ENPP1: variants seen among roughly 807,000 people sequenced by gnomAD.
The protein encoded by ENPP1 is ectonucleotide pyrophosphatase/phosphodiesterase family member 1.
ENPP1 carries 73 observed loss-of-function variants against 122.8 expected under a neutral mutation model. The observed-to-expected ratio is 0.59, with a 90% CI of 0.49 to 0.72. ENPP1 has a LOEUF of 0.72. Among genes scored for constraint, ENPP1 ranks in the 30% least tolerant of loss-of-function variants. The pLI, the probability that ENPP1 is intolerant of heterozygous loss-of-function variation, is 0.00. For synonymous variants in ENPP1, 367 were observed against 391.6 expected (o/e 0.94, Z 0.74); for missense variants, 978 against 1,128.1 (o/e 0.87, Z 1.91).
chr6:131,821,954 A>G (rs1781489658), intron 1 of ENPP1, among the ~76,000 whole-genome samples: 1 of 152,204 alleles, frequency 6.6e-6, no homozygotes, highest in Non-Finnish European at 1.5e-5. Context: ...AGCTTCCTAT[A>G]AACTGCCACC....
chr6:131,889,754 C>T (rs559036536), intron 24 of ENPP1, among the ~76,000 whole-genome samples: 5 of 152,170 alleles, frequency 3.3e-5, no homozygotes, highest in Non-Finnish European at 4.4e-5. Context: ...TGAACATATG[C>T]GTGCGTGTAT....
At chr6:131,837,172 TTGTGTGTGTG>T (rs67550562) in intron 1 of ENPP1, among the ~76,000 whole-genome samples, 22 of 136,056 alleles carry the variant, frequency 1.6e-4, no homozygotes, top group Middle Eastern at 3.9e-3. Context: ...CCTGTTGTCA[TTGTGTGTGTG>T]TGTGTGTGTG....
intron 24 of ENPP1, among the ~76,000 whole-genome samples, chr6:131,888,179 A>G (rs1262952153): frequency 6.6e-6 from 1 of 150,420 alleles, no homozygotes; most frequent in African/African-American, 2.4e-5. Context: ...GCAATTTTTA[A>G]GTTTTCTCTT....
At chr6:131,851,637 C>T (rs921845443) in intron 4 of ENPP1, among the ~76,000 whole-genome samples, 6 of 152,134 alleles carry the variant, frequency 3.9e-5, no homozygotes, top group East Asian at 3.8e-4. Flanking sequence ...TTTTATGTCC[C>T]GGCTTCCCTC....
Position 131,892,098 on chromosome 6 carries a change from C to T in ENPP1, c.*1587C>T, listed in dbSNP as rs530674864. Reference sequence around the variant, plus strand: ...TTTTTATGATGGCTGCTGTAAAATCCTTATCAGATAATTCCAACATCTGTC... The same window carrying T: ...TTTTTATGATGGCTGCTGTAAAATCTTTATCAGATAATTCCAACATCTGTC... On this transcript the variant is annotated 3_prime_UTR_variant, in exon 25 of 25. Transcript: ENST00000647893. 2 of 152,246 alleles carry T rather than the reference C, an allele frequency of 1.3e-5. No homozygotes were observed. The highest frequency in any genetic ancestry group is 4.8e-5 in the African/African-American group (2 of 41,558). 9.4% of individuals were successfully genotyped at this position (152,246 alleles called of 1,614,324 possible). A position where few individuals can be genotyped will look rare whatever the true frequency, so the allele number is the denominator to read the frequency against.
At chr6:131,812,926 C>T (rs571808389) in intron 1 of ENPP1, among the ~76,000 whole-genome samples, 22 of 152,170 alleles carry the variant, frequency 1.4e-4, no homozygotes, top group African/African-American at 3.9e-4. Flanking sequence ...TGCAACCTCC[C>T]GCTCCTGGGT....
At chr6:131,872,226 T>G in intron 14 of ENPP1, 125 bp downstream of exon 14, 2 of 718,288 alleles carry the variant, frequency 2.8e-6, no homozygotes, top group Non-Finnish European at 4.8e-6. Flanking sequence ...TGGGCCAACA[T>G]GGAAATGCTG....
chr6:131,872,450 T>C (rs1030207658), intron 14 of ENPP1, among the ~76,000 whole-genome samples: 1 of 152,190 alleles, frequency 6.6e-6, no homozygotes, highest in African/African-American at 2.4e-5. Flanking sequence ...CAGTCTTTTT[T>C]TATGCCTTAA....
intron 1 of ENPP1, among the ~76,000 whole-genome samples, chr6:131,846,091 T>C (rs1562518399): frequency 6.6e-6 from 1 of 152,196 alleles, no homozygotes; most frequent in Non-Finnish European, 1.5e-5. Context: ...CACTTGACAG[T>C]AGGCACCTCG....
chr6:131,829,850 G>A (rs879821494), intron 1 of ENPP1, among the ~76,000 whole-genome samples: 8 of 152,142 alleles, frequency 5.3e-5, no homozygotes, highest in Admixed American at 3.9e-4. Flanking sequence ...GGTCCCACCC[G>A]GAGCAGGGAG....
rs1375021082 is a variant in ENPP1, at chr6:131,851,192, A to G, written c.481A>G (p.Arg161Gly). ...CAGGTGTGGTGAGAAAAGGTTGACC[A>G]GAAGCCTCTGTGCCTGTTCAGATGA... ...KFRCGEKRLT[R>G]SLCACSDDCK... The change falls in exon 4 of 25, where the codon AGA becomes GGA. Residue 161 changes from arginine (R) to glycine (G), a missense_variant. By Grantham distance (125) the Arg-to-Gly change is moderately radical. Transcript: ENST00000647893. The G allele has an allele frequency of 6.2e-7, 1 of 1,614,028 alleles. No homozygotes were observed. Among genetic ancestry groups the G allele is most frequent in the African/African-American group, 1.3e-5 (1 of 74,930 alleles).
At chr6:131,883,525 G>T (rs549376869) in intron 21 of ENPP1, among the ~76,000 whole-genome samples, 169 bp from the exon 22 acceptor site, 1 of 152,226 alleles carries the variant, frequency 6.6e-6, no homozygotes, top group Admixed American at 6.5e-5. Context: ...TTTTGTAAAG[G>T]ACTTGACCAA....
At chr6:131,833,892 C>T (rs562509927) in intron 1 of ENPP1, among the ~76,000 whole-genome samples, 1 of 152,272 alleles carries the variant, frequency 6.6e-6, no homozygotes, top group African/African-American at 2.4e-5. Flanking sequence ...TGGGGGTTAA[C>T]TATCTGTGAA....
chr6:131,827,355 T>C (rs1287444985), intron 1 of ENPP1: 16 of 1,077,068 alleles, frequency 1.5e-5, no homozygotes, highest in Non-Finnish European at 2.3e-5. Flanking sequence ...GATGTCACTA[T>C]AGTTGCTTTT....
chr6:131,846,893 G>T (rs575594473), intron 1 of ENPP1, among the ~76,000 whole-genome samples: 4 of 152,310 alleles, frequency 2.6e-5, no homozygotes, highest in South Asian at 2.1e-4. Context: ...GGGTTGTAGG[G>T]TGTGTCCACT....
chr6:131,835,515 A>G (rs1014062137), intron 1 of ENPP1, among the ~76,000 whole-genome samples: 8 of 152,228 alleles, frequency 5.3e-5, no homozygotes, highest in Admixed American at 1.3e-4. Context: ...AACCAAATCT[A>G]TACTATGTTT....
Position 131,875,841 on chromosome 6 carries a change from T to C in ENPP1, c.1701T>C (p.Ile567=). The change falls in exon 17 of 25, where the codon ATT becomes ATC. Residue 567 remains isoleucine, a synonymous_variant. Transcript: ENST00000647893. The part of the protein sequence containing the change: ...HGIEADTFEN[I]EVYNLMCDLL... ...TTGAGGCTGACACCTTTGAAAACAT[T>C]GAAGTCTATAACTTAATGTGTGGTA... The C allele has an allele frequency of 6.2e-7, 1 of 1,613,856 alleles. No individual in the cohort carries two copies. Among genetic ancestry groups the C allele is most frequent in the East Asian group, 2.2e-5 (1 of 44,892 alleles).
At chr6:131,823,588 G>A (rs1046053259) in intron 1 of ENPP1, among the ~76,000 whole-genome samples, 5 of 151,592 alleles carry the variant, frequency 3.3e-5, no homozygotes, top group East Asian at 3.9e-4. Context: ...CTACCCCACC[G>A]TGATTTTTTA....
chr6:131,812,330 G>A (rs1458759621), intron 1 of ENPP1, among the ~76,000 whole-genome samples: 2 of 152,108 alleles, frequency 1.3e-5, no homozygotes, highest in African/African-American at 4.8e-5. Context: ...AAAGAACAAA[G>A]TGTTGAAGAT....
Sources: gnomAD v4.1 joint callset for allele counts (sites outside exome capture counted in the v4.1 genomes callset) on GRCh38, gnomAD v4.1.1 for gene constraint, MANE v1.5 for transcripts, NCBI Gene and HGNC (gene_info 2026-07-23, HGNC 2026-07-21) for gene names.